ZC3H12B: variants seen among roughly 807,000 people sequenced by gnomAD.
ZC3H12B encodes probable ribonuclease ZC3H12B.
A neutral mutation model predicts 43.9 loss-of-function variants in ZC3H12B; 7 were observed. The observed-to-expected ratio is 0.16, with a 90% CI of 0.09 to 0.30. The LOEUF (loss-of-function observed/expected upper bound fraction) is 0.30. Ranked by LOEUF, ZC3H12B falls within the 10% of genes least tolerant of loss-of-function variation. The pLI, the probability that ZC3H12B is intolerant of heterozygous loss-of-function variation, is 1.00. For missense variants in ZC3H12B, 475 were observed against 670.2 expected, an observed-to-expected ratio of 0.71 and a Z score of 3.22; for synonymous variants, 222 against 241.7, an observed-to-expected ratio of 0.92 and a Z score of 0.76.
chrX:65,433,025 G>A (rs1404839467), intron 3 of ZC3H12B, among the ~76,000 whole-genome samples: 1 of 112,529 alleles, frequency 8.9e-6, no homozygotes, highest in Non-Finnish European at 1.9e-5. Flanking sequence ...GGCTTTGCCA[G>A]CTGAAAGCAA....
chrX:65,347,386 C>A, the ZC3H12B span, among the ~76,000 whole-genome samples: 1 of 111,304 alleles, frequency 9.0e-6, no homozygotes, highest in African/African-American at 3.3e-5. Flanking sequence ...CTCAAATTTA[C>A]AAGAAAAAAA....
the ZC3H12B span, among the ~76,000 whole-genome samples, chrX:65,326,630 G>T: frequency 9.0e-6 from 1 of 110,638 alleles, no homozygotes; most frequent in Non-Finnish European, 1.9e-5. Context: ...ATAATCTAGT[G>T]TATTACTCTA....
chrX:65,445,550 A>G (rs1333686119), intron 3 of ZC3H12B, among the ~76,000 whole-genome samples: 1 of 112,550 alleles, frequency 8.9e-6, no homozygotes, highest in African/African-American at 3.2e-5. Context: ...AAGTGGATTT[A>G]CACAAACATC....
At chrX:65,194,992 CT>C in the ZC3H12B span, among the ~76,000 whole-genome samples, 1 of 109,219 alleles carries the variant, frequency 9.2e-6, no homozygotes, top group Non-Finnish European at 1.9e-5. Flanking sequence ...TACTCTTGCT[CT>C]TTTTTTGTTT....
the ZC3H12B span, among the ~76,000 whole-genome samples, chrX:65,316,432 G>T: frequency 8.9e-6 from 1 of 111,959 alleles, no homozygotes; most frequent in African/African-American, 3.2e-5. Context: ...AAAGTTTACA[G>T]CATTAGGCTA....
At chrX:65,155,074 G>C in the ZC3H12B span, among the ~76,000 whole-genome samples, 4 of 108,703 alleles carry the variant, frequency 3.7e-5, no homozygotes, top group African/African-American at 1.3e-4. Context: ...TCCCACCTCA[G>C]CATCCCAAGT....
the ZC3H12B span, among the ~76,000 whole-genome samples, chrX:65,050,654 A>T: frequency 9.0e-6 from 1 of 111,492 alleles, no homozygotes; most frequent in Non-Finnish European, 1.9e-5. Flanking sequence ...TTGTCAAAAA[A>T]TATTTCTGTG....
the ZC3H12B span, among the ~76,000 whole-genome samples, chrX:65,353,178 A>G: frequency 1.2e-4 from 13 of 111,436 alleles, no homozygotes; most frequent in African/African-American, 4.2e-4. Context: ...CTTTGATATT[A>G]CAATTGCTAT....
chrX:65,383,349 G>A (rs1476870231), intron 2 of ZC3H12B, among the ~76,000 whole-genome samples: 1 of 111,856 alleles, frequency 8.9e-6, no homozygotes, highest in Non-Finnish European at 1.9e-5. Flanking sequence ...ACAAGCAATG[G>A]GGAAAGGATT....
chrX:65,248,103 C>T, the ZC3H12B span, among the ~76,000 whole-genome samples: 3 of 110,699 alleles, frequency 2.7e-5, no homozygotes, highest in Admixed American at 9.6e-5. Context: ...AGTGCAGTGG[C>T]GTGATCTCGG....
At chrX:65,279,023 T>C in the ZC3H12B span, among the ~76,000 whole-genome samples, 8 of 80,955 alleles carry the variant, frequency 9.9e-5, no homozygotes, top group African/African-American at 3.2e-3. Context: ...GTGTATTACA[T>C]TTTTTTAATT....
At chrX:65,062,372 G>C in the ZC3H12B span, among the ~76,000 whole-genome samples, 1 of 111,946 alleles carries the variant, frequency 8.9e-6, no homozygotes, top group East Asian at 2.8e-4. Flanking sequence ...TCAGTTTTCT[G>C]CATATGGCTA....
chrX:65,215,307 C>A, the ZC3H12B span, among the ~76,000 whole-genome samples: 3 of 111,744 alleles, frequency 2.7e-5, no homozygotes, highest in East Asian at 8.5e-4. Flanking sequence ...TCGTCGATGG[C>A]AGCTTATTCA....
intron 3 of ZC3H12B, among the ~76,000 whole-genome samples, chrX:65,423,872 C>T (rs1002847675): frequency 1.8e-5 from 2 of 111,645 alleles, no homozygotes; most frequent in African/African-American, 3.3e-5. Flanking sequence ...TCCCATTTGT[C>T]GATTCTGGCT....
At chrX:65,259,340 T>C in the ZC3H12B span, among the ~76,000 whole-genome samples, 1 of 112,253 alleles carries the variant, frequency 8.9e-6, no homozygotes, top group Non-Finnish European at 1.9e-5. Context: ...ATAATTGTGC[T>C]GAGATAACTG....
At chrX:65,159,325 G>A in the ZC3H12B span, among the ~76,000 whole-genome samples, 1 of 111,824 alleles carries the variant, frequency 8.9e-6, no homozygotes, top group African/African-American at 3.2e-5. Flanking sequence ...GTAGCTTGAT[G>A]GGGATGTCAT....
chrX:65,204,921 GGGA>G, the ZC3H12B span, among the ~76,000 whole-genome samples: 1 of 111,725 alleles, frequency 9.0e-6, no homozygotes, highest in South Asian at 3.7e-4. Context: ...TGAAAGCTTT[GGGA>G]AGGAGCAAGA....
the ZC3H12B span, among the ~76,000 whole-genome samples, chrX:65,327,618 C>A: frequency 9.0e-6 from 1 of 110,892 alleles, no homozygotes; most frequent in African/African-American, 3.3e-5. Flanking sequence ...TGAATTGAAC[C>A]TTTGGTATTA....
chrX:65,319,395 C>T, the ZC3H12B span, among the ~76,000 whole-genome samples: 2 of 111,557 alleles, frequency 1.8e-5, no homozygotes, highest in Non-Finnish European at 1.9e-5. Flanking sequence ...ACTTCTTGAA[C>T]AGACAAATAA....
Sources: allele counts gnomAD v4.1 joint callset (sites outside exome capture counted in the v4.1 genomes callset), GRCh38; gene constraint gnomAD v4.1.1; transcripts MANE v1.5; gene names NCBI Gene and HGNC (gene_info 2026-07-23, HGNC 2026-07-21).